MRPS27: variants seen among roughly 807,000 people sequenced by gnomAD.
MRPS27 encodes mitochondrial ribosomal protein S27.
MRPS27 carries 43 observed loss-of-function variants against 48.9 expected under a neutral mutation model. The observed-to-expected ratio is 0.88, with a 90% CI of 0.69 to 1.13. The LOEUF (loss-of-function observed/expected upper bound fraction) is 1.13, where lower values mean the gene tolerates loss of function less well. MRPS27 is among the 50% of genes most tolerant of loss of function. The pLI is 0.00. For synonymous variants in MRPS27, 188 were observed against 171.9 expected, an observed-to-expected ratio of 1.09 and a Z score of -0.73; for missense variants, 467 against 476.3, an observed-to-expected ratio of 0.98 and a Z score of 0.18.
chr5:72,262,386 T>C (rs150174090), intron 4 of MRPS27, among the ~76,000 whole-genome samples: 3,258 of 152,082 alleles, frequency 0.021, 47 homozygotes, highest in Non-Finnish European at 0.034. Context: ...CAGCATCCCC[T>C]TCCCCAGAAA....
At chr5:72,239,994 G>A (rs1748307178) in intron 4 of MRPS27, among the ~76,000 whole-genome samples, 1 of 152,154 alleles carries the variant, frequency 6.6e-6, no homozygotes, top group Non-Finnish European at 1.5e-5. Flanking sequence ...AAAGAAAAAA[G>A]TCAAGTGAAG....
intron 6 of MRPS27, among the ~76,000 whole-genome samples, chr5:72,233,119 G>A (rs1253810537): frequency 6.6e-6 from 1 of 152,092 alleles, no homozygotes; most frequent in African/African-American, 2.4e-5. Context: ...TAAATCTCAG[G>A]TGTTATTTCA....
At chr5:72,276,913 C>A (rs1465357086) in intron 4 of MRPS27, among the ~76,000 whole-genome samples, 1 of 152,020 alleles carries the variant, frequency 6.6e-6, no homozygotes, top group African/African-American at 2.4e-5. Context: ...CACCTGTAGT[C>A]CCAGCTACTT....
chr5:72,234,499 AAAAG>A, intron 5 of MRPS27, among the ~76,000 whole-genome samples: 1 of 152,170 alleles, frequency 6.6e-6, no homozygotes, highest in South Asian at 2.1e-4. Context: ...AAAAAAGAAA[AAAAG>A]AAACCCACAC....
intron 4 of MRPS27, among the ~76,000 whole-genome samples, chr5:72,239,916 AT>A (rs1748305508): frequency 6.6e-6 from 1 of 152,196 alleles, no homozygotes; most frequent in African/African-American, 2.4e-5. Flanking sequence ...TAGCTACTTG[AT>A]TCTTGTTTCT....
At chr5:72,289,730 T>C (rs1749770976) in intron 4 of MRPS27, among the ~76,000 whole-genome samples, 1 of 152,188 alleles carries the variant, frequency 6.6e-6, no homozygotes, top group Non-Finnish European at 1.5e-5. Context: ...AAAATTTACA[T>C]CCTTAATATA....
intron 9 of MRPS27, among the ~76,000 whole-genome samples, chr5:72,225,188 C>A (rs551653028): frequency 1.1e-4 from 17 of 152,248 alleles, no homozygotes; most frequent in African/African-American, 4.1e-4. Flanking sequence ...TTGTTATAAA[C>A]GTCTGGCAAA....
intron 4 of MRPS27, among the ~76,000 whole-genome samples, chr5:72,271,832 T>TA (rs1749248690): frequency 6.6e-6 from 1 of 152,144 alleles, no homozygotes; most frequent in Non-Finnish European, 1.5e-5. Context: ...CTGAAACTGT[T>TA]AAAAAAGGAG....
chr5:72,259,518 T>C (rs1748910072), intron 4 of MRPS27, among the ~76,000 whole-genome samples: 1 of 151,750 alleles, frequency 6.6e-6, no homozygotes, highest in African/African-American at 2.4e-5. Flanking sequence ...CTTCACAAGC[T>C]TCCATTTGAA....
chr5:72,320,188 G>C lies in MRPS27; in HGVS notation c.34C>G (p.Leu12Val). ...AASIVRRGML[L>V]ARQVVLPQLS... ...TGAGGAAGAACCACTTGCCGCGCCA[G>C]GAGCATCCCGCGCCGCACTATGGAG... Residue 12 changes from leucine (L) to valine (V), a missense_variant, in exon 1 of 11, where the codon CTG (leucine) becomes GTG (valine). Leu to Val is a conservative substitution (Grantham distance 32). Coordinates refer to ENST00000261413, the MANE Select transcript of MRPS27 (RefSeq NM_015084.3). The C allele has an allele frequency of 1.2e-6, 2 of 1,614,002 alleles. No individual in the cohort carries two copies. Among genetic ancestry groups the C allele is most frequent in the Non-Finnish European group, 1.7e-6 (2 of 1,179,892 alleles).
intron 4 of MRPS27, among the ~76,000 whole-genome samples, chr5:72,273,276 AAGTG>A (rs1230905294): frequency 3.8e-4 from 58 of 152,332 alleles, no homozygotes; most frequent in African/African-American, 1.4e-3. Flanking sequence ...TTTTTCGAGA[AAGTG>A]AGAAAAAATT....
intron 4 of MRPS27, among the ~76,000 whole-genome samples, chr5:72,274,216 T>A (rs1202761140): frequency 6.6e-6 from 1 of 152,142 alleles, no homozygotes; most frequent in Non-Finnish European, 1.5e-5. Flanking sequence ...TAGCTGGGCA[T>A]GGTGGCTCAC....
intron 4 of MRPS27, among the ~76,000 whole-genome samples, chr5:72,258,676 G>A (rs867119687): frequency 6.6e-6 from 1 of 152,148 alleles, no homozygotes; most frequent in Admixed American, 6.5e-5. Context: ...GGCAATCAAG[G>A]TGCCATCTTG....
intron 4 of MRPS27, chr5:72,294,757 T>G (rs1188565155): frequency 6.6e-6 from 1 of 151,414 alleles, no homozygotes; most frequent in Non-Finnish European, 1.5e-5. Context: ...TGAAAATAGG[T>G]ACATAACAGT....
chr5:72,309,169 GA>G (rs1750367733), intron 2 of MRPS27, among the ~76,000 whole-genome samples: 1 of 151,104 alleles, frequency 6.6e-6, no homozygotes, highest in Non-Finnish European at 1.5e-5. Context: ...TCGGTGGCAG[GA>G]AAAATTCAGT....
At chr5:72,288,024 C>T (rs1049766028) in intron 4 of MRPS27, among the ~76,000 whole-genome samples, 1 of 152,262 alleles carries the variant, frequency 6.6e-6, no homozygotes, top group East Asian at 1.9e-4. Flanking sequence ...ATAGTTAGCA[C>T]ACCAGAGGAA....
At chr5:72,285,714 G>T (rs559544314) in intron 4 of MRPS27, among the ~76,000 whole-genome samples, 1 of 152,110 alleles carries the variant, frequency 6.6e-6, no homozygotes, top group African/African-American at 2.4e-5. Flanking sequence ...TTGTAGAAAC[G>T]GAGTCTCACT....
At chr5:72,268,167 GA>G (rs1175686984) in intron 4 of MRPS27, among the ~76,000 whole-genome samples, 1 of 149,812 alleles carries the variant, frequency 6.7e-6, no homozygotes, top group Non-Finnish European at 1.5e-5. Flanking sequence ...ACCCTAAAAA[GA>G]AAAAAAAATT....
chr5:72,223,555 T>A (rs1747809737), intron 10 of MRPS27, 128 bp downstream of exon 10: 5 of 1,157,384 alleles, frequency 4.3e-6, no homozygotes, highest in Non-Finnish European at 6.1e-6. Context: ...AATAAAAATG[T>A]AATTTTTGAT....
Sources: gnomAD v4.1 joint callset for allele counts (sites outside exome capture counted in the v4.1 genomes callset) on GRCh38, gnomAD v4.1.1 for gene constraint, MANE v1.5 for transcripts, NCBI Gene and HGNC (gene_info 2026-07-23, HGNC 2026-07-21) for gene names.